CUX1: variants seen among roughly 807,000 people sequenced by gnomAD.
CUX1 encodes the protein cut like homeobox 1.
A neutral mutation model predicts 158.8 loss-of-function variants in CUX1; 31 were observed. That is an observed-to-expected ratio of 0.20 (90% CI 0.15 to 0.26). The LOEUF (loss-of-function observed/expected upper bound fraction) is 0.26. Among genes scored for constraint, CUX1 ranks in the 10% least tolerant of loss-of-function variants. The probability of loss-of-function intolerance (pLI) is 1.00; values close to 1 mark genes in which losing one functional copy is unlikely to be tolerated. For synonymous variants in CUX1, 879 were observed against 862.1 expected (o/e 1.02, Z -0.34); for missense variants, 1,589 against 2,014.6 (o/e 0.79, Z 4.04).
chr7:102,269,790 CT>C (rs1563521073), intron 14 of CUX1, among the ~76,000 whole-genome samples: 1 of 151,346 alleles, frequency 6.6e-6, no homozygotes, highest in East Asian at 2.0e-4. Flanking sequence ...AAGTTCCAAA[CT>C]TTCCCTCATC....
At chr7:102,157,752 C>A (rs1789934541) in intron 8 of CUX1, among the ~76,000 whole-genome samples, 1 of 152,164 alleles carries the variant, frequency 6.6e-6, no homozygotes, top group Admixed American at 6.5e-5. Context: ...TGCACTCCAG[C>A]CTGGGCGACA....
intron 3 of CUX1, among the ~76,000 whole-genome samples, chr7:102,064,382 A>G (rs1353103563): frequency 6.6e-6 from 1 of 152,202 alleles, no homozygotes; most frequent in Non-Finnish European, 1.5e-5. Context: ...ACCTACCTCA[A>G]GCTAACGTGC....
At chr7:102,040,410 A>G (rs1821929200) in intron 3 of CUX1, among the ~76,000 whole-genome samples, 1 of 152,164 alleles carries the variant, frequency 6.6e-6, no homozygotes, top group African/African-American at 2.4e-5. Flanking sequence ...GAGCAATACC[A>G]AGGAAGTTAG....
downstream of CUX1, among the ~76,000 whole-genome samples, chr7:102,258,713 C>T (rs577485128): frequency 6.6e-6 from 1 of 152,326 alleles, no homozygotes; most frequent in South Asian, 2.1e-4. Flanking sequence ...TCTCCTCTGC[C>T]GTGTGGCCTG....
At chr7:102,279,211 T>C (rs1468723863) in intron 18 of CUX1, among the ~76,000 whole-genome samples, 7 of 151,946 alleles carry the variant, frequency 4.6e-5, no homozygotes, top group African/African-American at 1.7e-4. Flanking sequence ...CGTGGTGTCA[T>C]GCACCTGTAA....
rs902455647 is a variant in CUX1 at position 102,255,675 on chromosome 7, A to G, written c.*6633A>G. The G allele has an allele frequency of 1.1e-5, 11 of 985,448 alleles. No homozygotes were observed. The highest frequency in any genetic ancestry group is 1.3e-5 in the Non-Finnish European group (11 of 829,938). The allele number at this position is 985,448 out of a possible 1,614,324, so 61.0% of individuals were successfully genotyped here. A position where few individuals can be genotyped will look rare whatever the true frequency, so the allele number is the denominator to read the frequency against. ...CCTTATATCCCAATGTCACGGCTACATCCCTATGGAAATTAATCAGAAGCA... is the reference window on the plus strand; with the variant it reads ...CCTTATATCCCAATGTCACGGCTACGTCCCTATGGAAATTAATCAGAAGCA... On this transcript the variant is annotated 3_prime_UTR_variant, in exon 24 of 24. Transcript: ENST00000292535.
At chr7:102,283,108 C>G in exon 23 of CUX1, 1 of 1,608,498 alleles carries the variant, frequency 6.2e-7, no homozygotes, top group Non-Finnish European at 8.5e-7. Flanking sequence ...GGGCCTCCCC[C>G]GTGACAGTGA....
chr7:102,003,376 G>A (rs559371216), intron 2 of CUX1, among the ~76,000 whole-genome samples: 12 of 151,142 alleles, frequency 7.9e-5, no homozygotes, highest in African/African-American at 2.2e-4. Flanking sequence ...AGTTGTGTTC[G>A]TTGTTTTCTT....
At chr7:102,265,943 C>T (rs1790775063) in intron 14 of CUX1, among the ~76,000 whole-genome samples, 1 of 152,128 alleles carries the variant, frequency 6.6e-6, no homozygotes, top group South Asian at 2.1e-4. Context: ...GTGGCTCACG[C>T]CTGTAATCCC....
At chr7:102,126,405 GA>G (rs1209892513) in intron 8 of CUX1, among the ~76,000 whole-genome samples, 1 of 152,102 alleles carries the variant, frequency 6.6e-6, no homozygotes, top group Non-Finnish European at 1.5e-5. Context: ...AATTCTCAAA[GA>G]TTTTTTTTAA....
rs577959242 is a variant in CUX1, at chr7:101,944,686, C to T, written c.141+28461C>T. Reference sequence around the variant, plus strand: ...TCCTCCGGGCAGTCCATGTCATCTGCTGTGGCGTGTATGTTCATGGGTGAT... The same window carrying T: ...TCCTCCGGGCAGTCCATGTCATCTGTTGTGGCGTGTATGTTCATGGGTGAT... On this transcript the variant is annotated intron_variant, in intron 2 of 23. Transcript: ENST00000292535. Among the ~76,000 whole-genome samples the T allele has an allele frequency of 7.9e-5, 12 of 152,372 alleles. No individual in the cohort carries two copies. In the East Asian group the frequency reaches 2.1e-3, roughly 27 times the overall value.
intron 3 of CUX1, 134 bp downstream of exon 3, chr7:102,028,279 C>CA: frequency 1.2e-6 from 1 of 861,852 alleles, no homozygotes; most frequent in Admixed American, 2.6e-5. Context: ...GACCCAGCGT[C>CA]ATGCAGATTT....
chr7:102,234,922 CA>C lies in CUX1; in HGVS notation c.3622+694del, dbSNP rs377426981. The stretch of plus-strand genomic sequence containing the variant: ...TGGGTGACAGACCATGACCCTATCT[CA>C]AAAAAAAAAAATGCATTTTGTAGAT... On this transcript the variant is annotated intron_variant, in intron 22 of 23. Transcript: ENST00000292535. Among the ~76,000 whole-genome samples, 526 of 144,804 alleles carry C rather than the reference CA, an allele frequency of 3.6e-3. 2 individuals are homozygous for C. Among genetic ancestry groups the C allele is most frequent in the African/African-American group, 9.3e-3 (369 of 39,682 alleles). 95.0% of individuals were successfully genotyped at this position (144,804 alleles called of 152,430 possible). A position where few individuals can be genotyped will look rare whatever the true frequency, so the allele number is the denominator to read the frequency against.
At chr7:102,132,285 G>T (rs1833346266) in intron 8 of CUX1, among the ~76,000 whole-genome samples, 1 of 106,412 alleles carries the variant, frequency 9.4e-6, no homozygotes, top group African/African-American at 3.6e-5. Flanking sequence ...ATATATATGA[G>T]AGAGAGAGTG....
rs1173556852 is a variant in CUX1 at position 102,082,482 on chromosome 7, G to A, written c.268+12065G>A. ...TACAGTGAGCCAAGATCGCGCCACT[G>A]CACTCCAGCCTGGGCAACAGAGCGA... On this transcript the variant is annotated intron_variant, in intron 4 of 23. Coordinates refer to ENST00000292535, the MANE Select transcript of CUX1 (RefSeq NM_181552.4). Among the ~76,000 whole-genome samples the A allele has an allele frequency of 2.7e-5, 4 of 147,280 alleles. No individual in the cohort carries two copies. In the East Asian group the frequency reaches 7.7e-4, roughly 28 times the overall value.
chr7:101,966,455 A>T (rs1427841742), intron 2 of CUX1, among the ~76,000 whole-genome samples: 2 of 152,120 alleles, frequency 1.3e-5, no homozygotes, highest in Non-Finnish European at 2.9e-5. Flanking sequence ...AAAGCGCATG[A>T]TGGGCACATG....
chr7:102,216,587 CA>C (rs1797126497), intron 20 of CUX1, among the ~76,000 whole-genome samples: 1 of 61,070 alleles, frequency 1.6e-5, no homozygotes, highest in Admixed American at 2.0e-4. Context: ...CACTCTCCCA[CA>C]CACACACTCC....
intron 2 of CUX1, among the ~76,000 whole-genome samples, chr7:101,968,522 A>G (rs1393876589): frequency 5.3e-5 from 8 of 152,218 alleles, no homozygotes; most frequent in Non-Finnish European, 1.2e-4. Flanking sequence ...TCCCAGGTTC[A>G]AGTGATTCTC....
intron 1 of CUX1, among the ~76,000 whole-genome samples, chr7:101,820,133 A>T (rs1792308090): frequency 6.6e-6 from 1 of 152,242 alleles, no homozygotes; most frequent in South Asian, 2.1e-4. Context: ...GCAGTAAACA[A>T]TCAAAACCAC....
Sources: allele counts gnomAD v4.1 joint callset (sites outside exome capture counted in the v4.1 genomes callset), GRCh38; gene constraint gnomAD v4.1.1; transcripts MANE v1.5; gene names NCBI Gene and HGNC (gene_info 2026-07-23, HGNC 2026-07-21).